TENM2: variants seen among roughly 807,000 people sequenced by gnomAD.
TENM2 encodes the protein teneurin-2.
A neutral mutation model predicts 245.2 loss-of-function variants in TENM2; 52 were observed. The observed-to-expected ratio is 0.21, with a 90% CI of 0.17 to 0.27. TENM2 has a LOEUF of 0.27. Among genes scored for constraint, TENM2 ranks in the 10% least tolerant of loss-of-function variants. The pLI, the probability that TENM2 is intolerant of heterozygous loss-of-function variation, is 1.00. For missense variants in TENM2, 3,046 were observed against 3,666.8 expected, an observed-to-expected ratio of 0.83 and a Z score of 4.37; for synonymous variants, 1,363 against 1,438.9, an observed-to-expected ratio of 0.95 and a Z score of 1.19.
chr5:167,645,444 A>G (rs563618144), intron 2 of TENM2, among the ~76,000 whole-genome samples: 2 of 152,144 alleles, frequency 1.3e-5, no homozygotes, highest in African/African-American at 4.8e-5. Flanking sequence ...GCAAAAATAA[A>G]ATCCAGTTTG....
At chr5:167,151,719 A>C in the TENM2 span, among the ~76,000 whole-genome samples, 1 of 152,104 alleles carries the variant, frequency 6.6e-6, no homozygotes, top group African/African-American at 2.4e-5. Flanking sequence ...GGGTTTCACC[A>C]TGTTGGCCAC....
chr5:168,019,350 A>G (rs1314480926), intron 5 of TENM2, among the ~76,000 whole-genome samples: 1 of 152,192 alleles, frequency 6.6e-6, no homozygotes, highest in Non-Finnish European at 1.5e-5. Flanking sequence ...CCCATGCAGA[A>G]TGAAGTGATG....
the TENM2 span, among the ~76,000 whole-genome samples, chr5:167,017,538 G>T: frequency 6.6e-6 from 1 of 152,148 alleles, no homozygotes; most frequent in Admixed American, 6.6e-5. Context: ...AGCAATAAAT[G>T]GGGTGGGCCA....
chr5:167,046,705 T>C, the TENM2 span, among the ~76,000 whole-genome samples: 1 of 146,878 alleles, frequency 6.8e-6, no homozygotes, highest in African/African-American at 2.6e-5. Flanking sequence ...TTATTTATTA[T>C]ACTTTAAGTT....
the TENM2 span, chr5:167,165,253 A>G: frequency 6.6e-6 from 1 of 152,180 alleles, no homozygotes; most frequent in African/African-American, 2.4e-5. Context: ...AGAGAGAAGC[A>G]TTGGACAGGG....
At chr5:167,273,235 T>C in the TENM2 span, among the ~76,000 whole-genome samples, 143 of 152,288 alleles carry the variant, frequency 9.4e-4, 1 homozygote, top group South Asian at 0.024. Context: ...GTGAACGCTC[T>C]TCAAGGGCGG....
the TENM2 span, among the ~76,000 whole-genome samples, chr5:167,179,309 G>T: frequency 6.6e-6 from 1 of 152,116 alleles, no homozygotes; most frequent in African/African-American, 2.4e-5. Context: ...CTTTTAAAAA[G>T]GCTTTTCCTT....
intron 12 of TENM2, among the ~76,000 whole-genome samples, chr5:168,137,212 G>A (rs1419938530): frequency 6.6e-6 from 1 of 152,220 alleles, no homozygotes; most frequent in Non-Finnish European, 1.5e-5. Context: ...TACATTCCAA[G>A]TTTAGCCACC....
chr5:167,472,384 T>G (rs1294812623), intron 2 of TENM2, among the ~76,000 whole-genome samples: 1 of 152,216 alleles, frequency 6.6e-6, no homozygotes, highest in African/African-American at 2.4e-5. Context: ...AAGCCTACTA[T>G]TTTTCTAGCC....
chr5:168,005,930 A>G (rs1784787853), intron 5 of TENM2, among the ~76,000 whole-genome samples: 1 of 152,176 alleles, frequency 6.6e-6, no homozygotes. Context: ...ACTGTAGTAT[A>G]TATGGTATAT....
Position 168,226,059 on chromosome 5 carries a change from G to A in TENM2, c.5109-29G>A, listed in dbSNP as rs766907268. 9 of 1,600,434 alleles carry A rather than the reference G, an allele frequency of 5.6e-6. No individual in the cohort carries two copies. In the African/African-American group the frequency reaches 1.1e-4, roughly 19 times the overall value. On this transcript the variant is annotated intron_variant, in intron 23 of 28. Transcript: ENST00000518659. ...AGCCCCAATGACTGCTGCTAACCAG[G>A]GTTTATCTATCTATCTATCTCCCCC... is the stretch of plus-strand genomic sequence containing the variant.
At chr5:167,738,667 G>T (rs1192379209) in intron 2 of TENM2, among the ~76,000 whole-genome samples, 3 of 152,110 alleles carry the variant, frequency 2.0e-5, no homozygotes, top group Non-Finnish European at 4.4e-5. Context: ...GTCAGTTCTG[G>T]AGGCTGGAAG....
intron 2 of TENM2, among the ~76,000 whole-genome samples, chr5:167,760,899 C>T (rs531357621): frequency 6.8e-6 from 1 of 146,792 alleles, no homozygotes; most frequent in South Asian, 2.2e-4. Context: ...GATCCGCCCA[C>T]CTTGGCCTCC....
chr5:167,447,661 C>T (rs1176803916), intron 2 of TENM2, among the ~76,000 whole-genome samples: 4 of 152,166 alleles, frequency 2.6e-5, no homozygotes, highest in Non-Finnish European at 5.9e-5. Flanking sequence ...ACTGCTTCCC[C>T]CTGGAAATTC....
chr5:167,441,789 G>A (rs1764894591), intron 2 of TENM2, among the ~76,000 whole-genome samples: 1 of 152,150 alleles, frequency 6.6e-6, no homozygotes, highest in Non-Finnish European at 1.5e-5. Context: ...TTTTGGAAAT[G>A]AGTTTATGTG....
At chr5:167,845,092 A>ATTTTTTTTT (rs1769910591) in intron 2 of TENM2, among the ~76,000 whole-genome samples, 1 of 151,938 alleles carries the variant, frequency 6.6e-6, no homozygotes, top group African/African-American at 2.4e-5. Flanking sequence ...CTTGTTTGTC[A>ATTTTTTTTT]TTTTTTCCAA....
At chr5:167,367,337 A>G (rs991745204) in intron 1 of TENM2, among the ~76,000 whole-genome samples, 1 of 152,226 alleles carries the variant, frequency 6.6e-6, no homozygotes, top group African/African-American at 2.4e-5. Flanking sequence ...TAGGTGTCAT[A>G]TATTAAAAAA....
At chr5:167,007,773 A>G in the TENM2 span, among the ~76,000 whole-genome samples, 1 of 152,204 alleles carries the variant, frequency 6.6e-6, no homozygotes, top group Non-Finnish European at 1.5e-5. The surrounding 1 kb of genome is among the most constrained non-coding windows in gnomAD (Gnocchi z 4.2). Flanking sequence ...GTGCATAATA[A>G]GCCACTGTGC....
At chr5:167,436,948 G>A (rs1764595625) in intron 2 of TENM2, among the ~76,000 whole-genome samples, 2 of 152,198 alleles carry the variant, frequency 1.3e-5, no homozygotes, top group South Asian at 2.1e-4. Context: ...TGCTGCAGGG[G>A]CGAGCCCTCA....
Sources: gnomAD v4.1 joint callset for allele counts (sites outside exome capture counted in the v4.1 genomes callset) on GRCh38, gnomAD v4.1.1 for gene constraint, Gnocchi (gnomAD v3.1) non-coding constraint, MANE v1.5 for transcripts, NCBI Gene and HGNC (gene_info 2026-07-23, HGNC 2026-07-21) for gene names.